RALGPS1: variants seen among roughly 807,000 people sequenced by gnomAD.
The protein encoded by RALGPS1 is Ral GEF with PH domain and SH3 binding motif 1.
RALGPS1 carries 19 observed loss-of-function variants against 78.8 expected under a neutral mutation model. The observed-to-expected ratio is 0.24, with a 90% confidence interval of 0.17 to 0.35. The LOEUF (loss-of-function observed/expected upper bound fraction) is 0.35, where lower values mean the gene tolerates loss of function less well. Among genes scored for constraint, RALGPS1 ranks in the 10% least tolerant of loss-of-function variants. The probability of loss-of-function intolerance (pLI) is 1.00; values close to 1 mark genes in which losing one functional copy is unlikely to be tolerated. For synonymous variants in RALGPS1, 228 were observed against 256.3 expected, an observed-to-expected ratio of 0.89 and a Z score of 1.06; for missense variants, 454 against 688.3, an observed-to-expected ratio of 0.66 and a Z score of 3.81.
chr9:126,937,294 A>T (rs530510471), intron 1 of RALGPS1, among the ~76,000 whole-genome samples: 1 of 152,316 alleles, frequency 6.6e-6, no homozygotes, highest in Non-Finnish European at 1.5e-5. Context: ...CAAAATTCTA[A>T]ACCATTTCTC....
chr9:127,096,633 T>A (rs2053173379), intron 8 of RALGPS1, among the ~76,000 whole-genome samples: 1 of 152,218 alleles, frequency 6.6e-6, no homozygotes, highest in South Asian at 2.1e-4. Context: ...CAAGGGCTCT[T>A]TTTAAAGGCA....
chr9:127,142,667 C>T (rs1316892534), intron 8 of RALGPS1, among the ~76,000 whole-genome samples: 1 of 152,150 alleles, frequency 6.6e-6, no homozygotes, highest in African/African-American at 2.4e-5. Context: ...TGGCTCAGAG[C>T]ACACAATGAT....
At chr9:126,989,629 C>T (rs1434760173) in intron 4 of RALGPS1, among the ~76,000 whole-genome samples, 1 of 152,158 alleles carries the variant, frequency 6.6e-6, no homozygotes, top group African/African-American at 2.4e-5. Flanking sequence ...CTCTAGTCCT[C>T]ATTGTCTGTG....
intron 4 of RALGPS1, among the ~76,000 whole-genome samples, chr9:127,012,113 T>C (rs2044401421): frequency 6.6e-6 from 1 of 152,228 alleles, no homozygotes; most frequent in South Asian, 2.1e-4. Flanking sequence ...TTTTAATTTA[T>C]GGCTGCAGAT....
At chr9:127,047,900 TAAA>T (rs1234827610) in intron 5 of RALGPS1, among the ~76,000 whole-genome samples, 4 of 151,812 alleles carry the variant, frequency 2.6e-5, no homozygotes, top group South Asian at 2.1e-4. Flanking sequence ...GAAAATAAAA[TAAA>T]AAAGTGTTTA....
intron 4 of RALGPS1, among the ~76,000 whole-genome samples, chr9:127,003,813 A>G (rs894407545): frequency 6.6e-6 from 1 of 152,126 alleles, no homozygotes; most frequent in African/African-American, 2.4e-5. Context: ...CTATCAGCCC[A>G]TCACCTAGGT....
Position 127,212,340 on chromosome 9 carries a change from C to T in RALGPS1, c.1353+104C>T. On this transcript the variant is annotated intron_variant, in intron 15 of 18. Coordinates refer to ENST00000259351, the MANE Select transcript of RALGPS1 (RefSeq NM_014636.3). This position sits in a 1 kb window ranked among gnomAD's most constrained non-coding sequence, Gnocchi z 6.0. The stretch of plus-strand genomic sequence containing the variant: ...AAAAGTCACATGCATGGCAGAGGCT[C>T]TGCTTGCAGTGGGCATGCAGCGAGC... 1.2e-6 allele frequency: 1 copy of T among 863,860 alleles called. No individual in the cohort carries two copies. Among genetic ancestry groups the T allele is most frequent in the Non-Finnish European group, 1.8e-6 (1 of 564,234 alleles). The allele number at this position is 863,860 out of a possible 1,614,324, so 53.5% of individuals were successfully genotyped here.
chr9:126,931,950 A>G (rs1003670983), intron 1 of RALGPS1, among the ~76,000 whole-genome samples: 3 of 151,354 alleles, frequency 2.0e-5, no homozygotes, highest in Non-Finnish European at 4.4e-5. Context: ...TAGAGGAGCA[A>G]TGTGTTGGGA....
intron 1 of RALGPS1, among the ~76,000 whole-genome samples, chr9:126,939,198 C>T (rs2036534898): frequency 6.6e-6 from 1 of 152,206 alleles, no homozygotes; most frequent in Non-Finnish European, 1.5e-5. Flanking sequence ...ACCTTCTCTC[C>T]TTCCAGTCCC....
intron 8 of RALGPS1, among the ~76,000 whole-genome samples, chr9:127,085,392 T>TG (rs948497291): frequency 1.3e-5 from 2 of 152,156 alleles, no homozygotes; most frequent in Non-Finnish European, 2.9e-5. Context: ...ATGGTCTGGT[T>TG]GGCAAGACCC....
chr9:127,170,054 G>C (rs1053115204), intron 10 of RALGPS1, among the ~76,000 whole-genome samples: 5 of 152,166 alleles, frequency 3.3e-5, no homozygotes, highest in Non-Finnish European at 5.9e-5. Flanking sequence ...TTGGAATCTT[G>C]TTATTCCAGT....
intron 1 of RALGPS1, among the ~76,000 whole-genome samples, chr9:126,952,671 GTGTGTGTGTCTGTGTGTC>G (rs2037959659): frequency 1.3e-5 from 2 of 150,064 alleles, no homozygotes; most frequent in Non-Finnish European, 3.0e-5. Flanking sequence ...GTGTGTGTGT[GTGTGTGTGTCTGTGTGTC>G]TGTGTGTCTG....
intron 4 of RALGPS1, chr9:126,978,199 G>A (rs1172859299): frequency 2.6e-5 from 4 of 152,658 alleles, no homozygotes; most frequent in African/African-American, 9.7e-5. Flanking sequence ...GCATATATGG[G>A]TCAGGTGTGG....
At chr9:126,985,429 T>C (rs957579890) in intron 4 of RALGPS1, among the ~76,000 whole-genome samples, 1 of 152,206 alleles carries the variant, frequency 6.6e-6, no homozygotes, top group Non-Finnish European at 1.5e-5. Context: ...CTACATTATC[T>C]TGTAAAAATT....
At chr9:127,038,243 T>C (rs1337383298) in intron 5 of RALGPS1, among the ~76,000 whole-genome samples, 2 of 152,262 alleles carry the variant, frequency 1.3e-5, no homozygotes, top group African/African-American at 4.8e-5. Flanking sequence ...AATCAGATAC[T>C]ATGCTAAGCA....
chr9:126,929,603 C>T (rs988495755), intron 1 of RALGPS1, among the ~76,000 whole-genome samples: 1 of 152,106 alleles, frequency 6.6e-6, no homozygotes, highest in African/African-American at 2.4e-5. Context: ...AGGCATGTGC[C>T]ACCACGCCCA....
intron 8 of RALGPS1, among the ~76,000 whole-genome samples, chr9:127,162,005 C>T (rs549107601): frequency 3.9e-5 from 6 of 152,190 alleles, no homozygotes; most frequent in Non-Finnish European, 5.9e-5. Flanking sequence ...AGTATGTGCT[C>T]GGTAAGCATT....
In RALGPS1 at chr9:126,971,278, A is replaced by T. The variant is rs192824680; in HGVS notation, c.165+5327A>T. 1.5e-3 allele frequency among the ~76,000 whole-genome samples: 223 copies of T among 145,400 alleles called. 4 individuals carry two copies. The East Asian group carries it at 0.041, about 27-fold the overall frequency. ...ATTTAGGAAAATGTTCATGATATTT[A>T]AAAAAAAAAAAGATTTGAAACCGCA... On this transcript the variant is annotated intron_variant, in intron 3 of 18. Transcript: ENST00000259351.
chr9:127,055,006 A>AGAGC (rs2048608212), intron 7 of RALGPS1, among the ~76,000 whole-genome samples: 1 of 30,442 alleles, frequency 3.3e-5, no homozygotes, highest in Non-Finnish European at 7.3e-5. Flanking sequence ...TGAGAGAGAG[A>AGAGC]GAGAGAGAGA....
Sources: allele counts gnomAD v4.1 joint callset (sites outside exome capture counted in the v4.1 genomes callset), GRCh38; gene constraint gnomAD v4.1.1; non-coding constraint Gnocchi (gnomAD v3.1); transcripts MANE v1.5; gene names NCBI Gene and HGNC (gene_info 2026-07-23, HGNC 2026-07-21).